Variants in SMPDL3A observed in about 807,000 individuals in gnomAD.
SMPDL3A encodes the protein cyclic GMP-AMP phosphodiesterase SMPDL3A.
SMPDL3A carries 39 observed loss-of-function variants against 38.5 expected under a neutral mutation model. The observed-to-expected ratio is 1.01, with a 90% CI of 0.78 to 1.32. The LOEUF is 1.32. SMPDL3A is among the 40% of genes most tolerant of loss of function. SMPDL3A has a pLI of 0.00. For missense variants in SMPDL3A, 502 were observed against 536.2 expected (o/e 0.94, Z 0.63); for synonymous variants, 180 against 194.3 (o/e 0.93, Z 0.61).
At chr6:122,805,539 T>C (rs1408450325) in intron 6 of SMPDL3A, among the ~76,000 whole-genome samples, 1 of 152,218 alleles carries the variant, frequency 6.6e-6, no homozygotes, top group Non-Finnish European at 1.5e-5. Flanking sequence ...AAGTTCTTAT[T>C]GATACATATA....
In SMPDL3A at chr6:122,809,107, A is replaced by G. The variant is rs1562358364; in HGVS notation, c.1061A>G (p.Tyr354Cys). ...TAACTGCAGGATATGTTGCAGTATT[A>G]CTTGAATCTGACAGAGGCGAATCTA... ...DYKLLDMLQY[Y>C]LNLTEANLKG... The change falls in exon 8 of 8, where the codon TAC (tyrosine) becomes TGC (cysteine). Residue 354 changes from tyrosine (Y) to cysteine (C), a missense_variant. Coordinates refer to ENST00000368440, the MANE Select transcript of SMPDL3A (RefSeq NM_006714.5). 1 of 1,613,798 alleles carries G rather than the reference A, an allele frequency of 6.2e-7. No individual in the cohort carries two copies. Among genetic ancestry groups the G allele is most frequent in the African/African-American group, 1.3e-5 (1 of 74,924 alleles).
intron 4 of SMPDL3A, 100 bp downstream of exon 4, chr6:122,801,506 C>A: frequency 1.2e-6 from 1 of 811,964 alleles, no homozygotes; most frequent in Non-Finnish European, 2.1e-6. Flanking sequence ...ACTTCTGGAG[C>A]ACAGCCCCCA....
chr6:122,808,936 C>T (rs974706670), intron 7 of SMPDL3A, among the ~76,000 whole-genome samples, 155 bp from the exon 8 acceptor site: 8 of 151,984 alleles, frequency 5.3e-5, no homozygotes, highest in Non-Finnish European at 1.0e-4. Context: ...TCAGGTAACC[C>T]ACCTGCCTCA....
intron 1 of SMPDL3A, chr6:122,789,934 A>G (rs895719539): frequency 2.2e-6 from 2 of 922,942 alleles, no homozygotes; most frequent in African/African-American, 1.8e-5. Context: ...GACTCACACT[A>G]TCTTCTGTCT....
intron 1 of SMPDL3A, among the ~76,000 whole-genome samples, chr6:122,792,888 T>G (rs1781122578): frequency 6.6e-6 from 1 of 152,184 alleles, no homozygotes; most frequent in Admixed American, 6.5e-5. Flanking sequence ...ATTATCTGTT[T>G]TCATGTGAGG....
At chr6:122,791,526 G>A (rs757843556) in intron 1 of SMPDL3A, among the ~76,000 whole-genome samples, 1 of 152,078 alleles carries the variant, frequency 6.6e-6, no homozygotes, top group Non-Finnish European at 1.5e-5. Context: ...GTTCAAATAA[G>A]GCATAAGGCG....
At chr6:122,804,065 G>A (rs537501194) in intron 5 of SMPDL3A, among the ~76,000 whole-genome samples, 7 of 150,580 alleles carry the variant, frequency 4.6e-5, no homozygotes, top group Non-Finnish European at 8.8e-5. Flanking sequence ...TCGGCTCACT[G>A]CAACCTCTAC....
At position 122,809,309 on chromosome 6, in the gene SMPDL3A, T is replaced by A; in HGVS notation, c.1263T>A (p.Asp421Glu). ...FVSYDSSVTC[D>E]KTCKAFQICA... ...GTTATGACAGCAGTGTAACATGTGA[T>A]AAGACATGTAAGGCCTTTCAGATTT... The change falls in exon 8 of 8, where the codon GAT becomes GAA. Residue 421 changes from aspartate (D) to glutamate (E), a missense_variant. Coordinates refer to ENST00000368440, the MANE Select transcript of SMPDL3A (RefSeq NM_006714.5). The A allele has an allele frequency of 1.2e-6, 2 of 1,613,838 alleles. No individual in the cohort carries two copies. Among genetic ancestry groups the A allele is most frequent in the Non-Finnish European group, 8.5e-7 (1 of 1,179,716 alleles).
chr6:122,798,110 G>A (rs917012660), intron 3 of SMPDL3A, among the ~76,000 whole-genome samples: 7 of 152,050 alleles, frequency 4.6e-5, no homozygotes, highest in African/African-American at 1.7e-4. Flanking sequence ...AATGCTGAAC[G>A]GGGGTTTTGA....
rs1780980149 is a variant in SMPDL3A at position 122,789,373 on chromosome 6, C to T, written c.27C>T (p.Cys9=). MALVRALV[C]CLLTAWHCRS... ...TGGCGCTGGTGCGCGCACTCGTCTG[C>T]TGCCTGCTGACTGCCTGGCACTGCC... Residue 9 remains cysteine, a synonymous_variant, in exon 1 of 8, where the codon TGC becomes TGT. Transcript: ENST00000368440. 7.7e-6 allele frequency: 12 copies of T among 1,548,408 alleles called. No homozygotes were observed. The highest frequency in any genetic ancestry group is 1.0e-5 in the Non-Finnish European group (12 of 1,146,186).
rs1410737471 is a variant in SMPDL3A, at chr6:122,808,659, T to TC, written c.1045-429dup. Among the ~76,000 whole-genome samples, 9 of 36,714 alleles carry TC rather than the reference T, an allele frequency of 2.5e-4. No individual in the cohort carries two copies. The East Asian group carries it at 8.0e-3, about 33-fold the overall frequency. 24.1% of individuals were successfully genotyped at this position (36,714 alleles called of 152,430 possible). Reference sequence around the variant, plus strand: ...CCTTCCTTCCCCCCCTCCTCCCCCCTCCCTCCCTCTCCTTCTTTCTTATTT... The same window carrying TC: ...CCTTCCTTCCCCCCCTCCTCCCCCCTCCCCTCCCTCTCCTTCTTTCTTATTT... On this transcript the variant is annotated intron_variant, in intron 7 of 7. Coordinates refer to ENST00000368440, the MANE Select transcript of SMPDL3A (RefSeq NM_006714.5).
chr6:122,803,968 C>G, intron 5 of SMPDL3A, 135 bp downstream of exon 5: 1 of 653,416 alleles, frequency 1.5e-6, no homozygotes, highest in Non-Finnish European at 2.5e-6. Context: ...CACTTTACAA[C>G]TCATGGATTT....
chr6:122,790,496 A>G (rs1781044035), intron 1 of SMPDL3A, among the ~76,000 whole-genome samples: 2 of 152,070 alleles, frequency 1.3e-5, no homozygotes, highest in Non-Finnish European at 2.9e-5. Flanking sequence ...TGTCCCTGAG[A>G]CTCGGTAGCA....
At chr6:122,803,051 C>T (rs1781477698) in intron 4 of SMPDL3A, among the ~76,000 whole-genome samples, 1 of 152,172 alleles carries the variant, frequency 6.6e-6, no homozygotes, top group Non-Finnish European at 1.5e-5. Flanking sequence ...CTAGGGAAAG[C>T]CGTGCATAGT....
chr6:122,796,673 G>A, intron 2 of SMPDL3A, 151 bp from the exon 3 acceptor site: 1 of 467,388 alleles, frequency 2.1e-6, no homozygotes, highest in East Asian at 3.3e-5. Flanking sequence ...TAGGGTAGAG[G>A]TAAGTGAAGA....
At chr6:122,795,307 A>G (rs972494182) in intron 1 of SMPDL3A, among the ~76,000 whole-genome samples, 1 of 152,068 alleles carries the variant, frequency 6.6e-6, no homozygotes, top group Non-Finnish European at 1.5e-5. Context: ...ACACTTGGCT[A>G]ATTTTTTATA....
chr6:122,799,507 C>T (rs2115167765), intron 3 of SMPDL3A, among the ~76,000 whole-genome samples: 1 of 152,300 alleles, frequency 6.6e-6, no homozygotes, highest in East Asian at 1.9e-4. Context: ...CATCACCACA[C>T]CATACTTGGC....
intron 1 of SMPDL3A, among the ~76,000 whole-genome samples, chr6:122,793,745 G>A (rs552878378): frequency 1.3e-5 from 2 of 152,158 alleles, no homozygotes; most frequent in African/African-American, 4.8e-5. Context: ...CAACTATGTT[G>A]GGAAGAAACA....
intron 3 of SMPDL3A, among the ~76,000 whole-genome samples, chr6:122,798,341 C>A (rs1229403001): frequency 6.6e-6 from 1 of 152,148 alleles, no homozygotes; most frequent in Non-Finnish European, 1.5e-5. Context: ...AGCCCAAGGT[C>A]ACACACATTG....
Sources: gnomAD v4.1 joint callset for allele counts (sites outside exome capture counted in the v4.1 genomes callset) on GRCh38, gnomAD v4.1.1 for gene constraint, MANE v1.5 for transcripts, NCBI Gene and HGNC (gene_info 2026-07-23, HGNC 2026-07-21) for gene names.